The following CSMD1 variants were observed in gnomAD, a reference collection of about 807,000 sequenced individuals.
CSMD1 encodes CUB and Sushi multiple domains 1.
CSMD1 carries 213 observed loss-of-function variants against 417.5 expected under a neutral mutation model. The observed-to-expected ratio is 0.51, with a 90% CI of 0.46 to 0.57. The LOEUF (loss-of-function observed/expected upper bound fraction) is 0.57. Ranked by LOEUF, CSMD1 falls within the 20% of genes least tolerant of loss-of-function variation. The pLI is 0.00. For synonymous variants in CSMD1, 2,862 were observed against 1,736.8 expected (o/e 1.65, Z -16.11); for missense variants, 6,923 against 4,529.7 (o/e 1.53, Z -15.17).
At chr8:3,610,602 A>G (rs1346061438) in intron 8 of CSMD1, among the ~76,000 whole-genome samples, 2 of 152,204 alleles carry the variant, frequency 1.3e-5, no homozygotes, top group Non-Finnish European at 2.9e-5. Context: ...CATGATCACT[A>G]CACAATCCTA....
Position 3,411,364 on chromosome 8 carries a change from TTTC to T in CSMD1, c.1562-1762_1562-1760del, listed in dbSNP as rs1267958766. 7.0e-3 allele frequency among the ~76,000 whole-genome samples: 854 copies of T among 121,216 alleles called. 3 individuals are homozygous for T. The highest frequency in any genetic ancestry group is 0.026 in the African/African-American group (767 of 29,440). 79.5% of individuals were successfully genotyped at this position (121,216 alleles called of 152,430 possible). A position where few individuals can be genotyped will look rare whatever the true frequency, so the allele number is the denominator to read the frequency against. ...TAGTAACCTAACTACTTCCTTTCCT[TTTC>T]TTTATTTCCATAGGTTTTGGGGGGA... On this transcript the variant is annotated intron_variant, in intron 12 of 69. Coordinates refer to ENST00000635120, the MANE Select transcript of CSMD1 (RefSeq NM_033225.6).
intron 46 of CSMD1, among the ~76,000 whole-genome samples, chr8:3,097,761 G>A (rs1430315989): frequency 6.6e-6 from 1 of 152,126 alleles, no homozygotes; most frequent in Non-Finnish European, 1.5e-5. Flanking sequence ...CTCGGATCGG[G>A]GGTGGGGGGA....
At chr8:3,906,530 G>C (rs981852148) in intron 5 of CSMD1, among the ~76,000 whole-genome samples, 1 of 37,596 alleles carries the variant, frequency 2.7e-5, no homozygotes, top group Admixed American at 3.7e-4. Flanking sequence ...TCACTGTAAA[G>C]AGTGAAGACA....
chr8:4,740,206 C>A (rs1421363491), intron 1 of CSMD1, among the ~76,000 whole-genome samples: 1 of 152,034 alleles, frequency 6.6e-6, no homozygotes, highest in Non-Finnish European at 1.5e-5. Flanking sequence ...TTGTTTTCAC[C>A]CCAGGAACAA....
chr8:3,773,533 CACCTTGGCCTCCCA>C (rs1563065943), intron 5 of CSMD1, among the ~76,000 whole-genome samples: 2 of 152,138 alleles, frequency 1.3e-5, no homozygotes, highest in African/African-American at 4.8e-5. Flanking sequence ...GTGATCCTCC[CACCTTGGCCTCCCA>C]AACTGCTGAA....
chr8:4,597,251 C>T (rs1800335075), intron 2 of CSMD1, among the ~76,000 whole-genome samples: 1 of 152,006 alleles, frequency 6.6e-6, no homozygotes, highest in Admixed American at 6.5e-5. Context: ...GATATATTAT[C>T]CCATGCCTTT....
chr8:3,970,616 C>T (rs1529316), intron 5 of CSMD1, among the ~76,000 whole-genome samples: 79,909 of 151,814 alleles, frequency 0.53, 21,326 homozygotes, highest in East Asian at 0.79. Flanking sequence ...TCTAGGGAAA[C>T]TCAAGAGGAA....
chr8:4,097,089 A>G (rs1245940789), intron 3 of CSMD1, among the ~76,000 whole-genome samples: 1 of 152,166 alleles, frequency 6.6e-6, no homozygotes, highest in Non-Finnish European at 1.5e-5. Flanking sequence ...GTACTACAAA[A>G]AGAAGCACGG....
intron 2 of CSMD1, among the ~76,000 whole-genome samples, chr8:4,622,382 T>C (rs1046290486): frequency 6.6e-6 from 1 of 152,070 alleles, no homozygotes; most frequent in Admixed American, 6.6e-5. Context: ...TGCCAGCTAA[T>C]GTCTGTGGGA....
intron 1 of CSMD1, among the ~76,000 whole-genome samples, chr8:4,813,295 TC>T (rs1192484080): frequency 6.7e-6 from 1 of 149,620 alleles, no homozygotes; most frequent in Non-Finnish European, 1.5e-5. Flanking sequence ...AACAAATCAC[TC>T]CCCCCACAGA....
chr8:4,064,690 C>A, intron 3 of CSMD1, among the ~76,000 whole-genome samples: 1 of 152,352 alleles, frequency 6.6e-6, no homozygotes, highest in South Asian at 2.1e-4. Flanking sequence ...ACTGCTGCTG[C>A]CCTGGCGTGT....
At chr8:3,960,317 G>A (rs944777839) in intron 5 of CSMD1, among the ~76,000 whole-genome samples, 15 of 152,098 alleles carry the variant, frequency 9.9e-5, no homozygotes, top group Admixed American at 2.0e-4. Context: ...AACCTTTAAA[G>A]TACATTAAAC....
intron 8 of CSMD1, among the ~76,000 whole-genome samples, chr8:3,587,865 G>C (rs1800672992): frequency 1.3e-5 from 2 of 152,144 alleles, no homozygotes; most frequent in Admixed American, 6.5e-5. Flanking sequence ...AGGACAACTA[G>C]AGTTCTATGG....
At chr8:3,152,995 G>A (rs569602654) in intron 39 of CSMD1, among the ~76,000 whole-genome samples, 8 of 152,210 alleles carry the variant, frequency 5.3e-5, no homozygotes, top group African/African-American at 1.7e-4. Flanking sequence ...ATAGGAGCTG[G>A]ATAAAACAAG....
At chr8:3,430,706 C>G (rs537658588) in intron 12 of CSMD1, among the ~76,000 whole-genome samples, 11 of 152,162 alleles carry the variant, frequency 7.2e-5, no homozygotes, top group African/African-American at 2.4e-4. Context: ...ACTCAGGAGG[C>G]TGAGGCAAGA....
At chr8:3,860,053 C>T (rs1377792100) in intron 5 of CSMD1, among the ~76,000 whole-genome samples, 6 of 151,922 alleles carry the variant, frequency 3.9e-5, no homozygotes, top group African/African-American at 7.3e-5. Context: ...CATGCCCTTG[C>T]GCTTTGCAGT....
At chr8:3,414,180 T>C (rs1430833656) in intron 12 of CSMD1, among the ~76,000 whole-genome samples, 2 of 103,054 alleles carry the variant, frequency 1.9e-5, no homozygotes, top group African/African-American at 6.9e-5. Context: ...CACTATGATT[T>C]GGTATCAATT....
chr8:4,591,895 T>G (rs1315449480), intron 2 of CSMD1, among the ~76,000 whole-genome samples: 1 of 151,856 alleles, frequency 6.6e-6, no homozygotes, highest in African/African-American at 2.4e-5. Flanking sequence ...AGGCTGAAAG[T>G]TGGGCAGACA....
chr8:3,871,465 A>G (rs1805475709), intron 5 of CSMD1, among the ~76,000 whole-genome samples: 1 of 152,132 alleles, frequency 6.6e-6, no homozygotes, highest in Non-Finnish European at 1.5e-5. Context: ...CTAAATTACT[A>G]GTGAGGTTGA....
Sources: gnomAD v4.1 joint callset for allele counts (sites outside exome capture counted in the v4.1 genomes callset) on GRCh38, gnomAD v4.1.1 for gene constraint, MANE v1.5 for transcripts, NCBI Gene and HGNC (gene_info 2026-07-23, HGNC 2026-07-21) for gene names.